The following IL1RAPL1 variants were observed in gnomAD, a reference collection of about 807,000 sequenced individuals.
IL1RAPL1 encodes interleukin 1 receptor accessory protein like 1.
Under a neutral mutation model 48.4 loss-of-function variants are expected in IL1RAPL1, and 3 were observed. The observed-to-expected ratio is 0.06, with a 90% CI of 0.03 to 0.16. IL1RAPL1 has a LOEUF of 0.16. Among genes scored for constraint, IL1RAPL1 ranks in the 10% least tolerant of loss-of-function variants. The pLI is 1.00. For synonymous variants in IL1RAPL1, 185 were observed against 187.7 expected, an observed-to-expected ratio of 0.99 and a Z score of 0.12; for missense variants, 349 against 530.6, an observed-to-expected ratio of 0.66 and a Z score of 3.36.
At chrX:29,159,845 G>T (rs867079066) in intron 2 of IL1RAPL1, among the ~76,000 whole-genome samples, 1 of 111,645 alleles carries the variant, frequency 9.0e-6, no homozygotes, top group East Asian at 2.8e-4. Context: ...CCGAGTAGCT[G>T]GGATTACAGG....
intron 2 of IL1RAPL1, among the ~76,000 whole-genome samples, chrX:28,944,923 T>C (rs186913131): frequency 1.8e-3 from 194 of 110,715 alleles, no homozygotes; most frequent in African/African-American, 5.7e-3. Context: ...CGAATCCTTA[T>C]GTGGCATAAA....
intron 5 of IL1RAPL1, among the ~76,000 whole-genome samples, chrX:29,444,990 G>A (rs1934596200): frequency 8.9e-6 from 1 of 112,183 alleles, no homozygotes; most frequent in African/African-American, 3.2e-5. Context: ...GGAAAAATGG[G>A]AATTTATTCT....
At chrX:28,691,849 A>G (rs1261979651) in intron 1 of IL1RAPL1, among the ~76,000 whole-genome samples, 1 of 111,559 alleles carries the variant, frequency 9.0e-6, no homozygotes. Context: ...GACAGTGTCT[A>G]AGTTAATTTT....
chrX:28,955,446 C>G (rs988249893), intron 2 of IL1RAPL1, among the ~76,000 whole-genome samples: 1 of 110,887 alleles, frequency 9.0e-6, no homozygotes, highest in African/African-American at 3.3e-5. Context: ...TTAAAAATTA[C>G]TAATCTTGTA....
intron 5 of IL1RAPL1, among the ~76,000 whole-genome samples, chrX:29,399,571 A>G (rs774386027): frequency 1.8e-5 from 2 of 111,846 alleles, no homozygotes; most frequent in South Asian, 7.5e-4. Context: ...CTGTAATCCC[A>G]GCACTTTGGG....
intron 2 of IL1RAPL1, among the ~76,000 whole-genome samples, chrX:29,131,610 C>T (rs188103895): frequency 1.3e-4 from 14 of 111,133 alleles, no homozygotes; most frequent in African/African-American, 4.2e-4. Context: ...CATGGCATTG[C>T]CTTAAGGATA....
intron 1 of IL1RAPL1, among the ~76,000 whole-genome samples, chrX:28,701,789 TTTC>T (rs1935301288): frequency 9.0e-6 from 1 of 111,234 alleles, no homozygotes; most frequent in African/African-American, 3.3e-5. Flanking sequence ...TCTTGTTACT[TTTC>T]TACAGAAAAG....
intron 6 of IL1RAPL1, among the ~76,000 whole-genome samples, chrX:29,802,791 G>GTGTGTGTA (rs1929970183): frequency 2.9e-5 from 1 of 34,104 alleles, no homozygotes; most frequent in Non-Finnish European, 5.0e-5. Flanking sequence ...ATGTGTGTGT[G>GTGTGTGTA]TATATATATA....
At chrX:28,960,312 T>A (rs1317351106) in intron 2 of IL1RAPL1, among the ~76,000 whole-genome samples, 1 of 111,638 alleles carries the variant, frequency 9.0e-6, no homozygotes, top group Non-Finnish European at 1.9e-5. Flanking sequence ...GTTTAGCATT[T>A]TTATTTACTT....
intron 2 of IL1RAPL1, among the ~76,000 whole-genome samples, chrX:29,218,135 T>G (rs540092468): frequency 1.8e-5 from 2 of 111,932 alleles, no homozygotes; most frequent in Admixed American, 1.9e-4. Flanking sequence ...TATAATTTAC[T>G]TCATAGTGCA....
At chrX:29,842,736 G>A (rs1023867331) in intron 6 of IL1RAPL1, among the ~76,000 whole-genome samples, 1 of 112,245 alleles carries the variant, frequency 8.9e-6, no homozygotes, top group South Asian at 3.7e-4. Context: ...TAGTTCAAAG[G>A]TCCCTGTTAC....
chrX:29,640,370 A>C (rs1925129541), intron 5 of IL1RAPL1, among the ~76,000 whole-genome samples: 1 of 111,796 alleles, frequency 8.9e-6, no homozygotes, highest in East Asian at 2.8e-4. Context: ...CCATGGCTTT[A>C]AATACTCTCT....
intron 1 of IL1RAPL1, among the ~76,000 whole-genome samples, chrX:28,733,718 T>G (rs1285154078): frequency 9.0e-6 from 1 of 111,225 alleles, no homozygotes; most frequent in Admixed American, 9.6e-5. Flanking sequence ...TCTTCTCAAT[T>G]CACTTCCTTA....
chrX:29,690,279 T>A (rs938697722), intron 6 of IL1RAPL1, among the ~76,000 whole-genome samples: 2 of 112,085 alleles, frequency 1.8e-5, no homozygotes, highest in Non-Finnish European at 3.8e-5. Flanking sequence ...CTCCCACAAC[T>A]GGAAATATGT....
chrX:29,067,270 G>A (rs1393470198), intron 2 of IL1RAPL1, among the ~76,000 whole-genome samples: 5 of 111,526 alleles, frequency 4.5e-5, no homozygotes, highest in African/African-American at 9.8e-5. Context: ...GCCACTGTAC[G>A]TTTCATGATA....
chrX:29,044,203 A>G (rs1036348087), intron 2 of IL1RAPL1, among the ~76,000 whole-genome samples: 3 of 111,235 alleles, frequency 2.7e-5, no homozygotes, highest in Non-Finnish European at 3.8e-5. Flanking sequence ...AGGCCAAGGC[A>G]GGTGGATCAC....
At chrX:29,952,342 CT>C (rs1463281511) in intron 9 of IL1RAPL1, among the ~76,000 whole-genome samples, 2 of 111,565 alleles carry the variant, frequency 1.8e-5, no homozygotes, top group Non-Finnish European at 3.8e-5. Context: ...CAAAATAATA[CT>C]ACAATCCACA....
At position 29,110,334 on chromosome X, in the gene IL1RAPL1, G is replaced by C. The variant is rs192831727; in HGVS notation, c.83-172604G>C. On this transcript the variant is annotated intron_variant, in intron 2 of 10. Transcript: ENST00000378993. ...TCGAATATAGAAATTATCTCCTCCC[G>C]TTTCCTTCTCCTCAATTAGCTGCCA... Among the ~76,000 whole-genome samples, 7 of 111,407 alleles carry C rather than the reference G, an allele frequency of 6.3e-5. No individual in the cohort carries two copies. The Admixed American group carries it at 6.7e-4, about 11-fold the overall frequency.
At chrX:29,043,468 TCCA>T (rs1411400912) in intron 2 of IL1RAPL1, among the ~76,000 whole-genome samples, 20 of 110,733 alleles carry the variant, frequency 1.8e-4, no homozygotes, top group Non-Finnish European at 3.8e-5. Flanking sequence ...TTTTTCCGAG[TCCA>T]CCAGTTCTTT....
Sources: gnomAD v4.1 joint callset for allele counts (sites outside exome capture counted in the v4.1 genomes callset) on GRCh38, gnomAD v4.1.1 for gene constraint, MANE v1.5 for transcripts, NCBI Gene and HGNC (gene_info 2026-07-23, HGNC 2026-07-21) for gene names.